Variants in ZBBX observed in about 807,000 individuals in gnomAD.
The protein encoded by ZBBX is zinc finger B-box domain-containing protein 1.
In ZBBX, 101 loss-of-function variants were observed where a neutral mutation model predicts 108.5. The observed-to-expected ratio is 0.93, with a 90% CI of 0.79 to 1.10. ZBBX has a LOEUF of 1.10. Ranked by LOEUF, ZBBX falls within the 50% of genes least tolerant of loss-of-function variation. ZBBX has a pLI of 0.00. For missense variants in ZBBX, 1,009 were observed against 941.4 expected (o/e 1.07, Z -0.94); for synonymous variants, 356 against 323.4 (o/e 1.10, Z -1.08).
the ZBBX span, among the ~76,000 whole-genome samples, chr3:167,199,962 A>C: frequency 2.0e-4 from 30 of 152,216 alleles, no homozygotes; most frequent in African/African-American, 7.0e-4. Context: ...CTACAGAAGG[A>C]TCCTTCCTTG....
chr3:167,342,720 T>A (rs186001313), intron 9 of ZBBX, among the ~76,000 whole-genome samples: 1 of 151,736 alleles, frequency 6.6e-6, no homozygotes, highest in Admixed American at 6.6e-5. Flanking sequence ...AGCAGAGTTA[T>A]GTAGTATTTG....
At chr3:167,189,269 C>T in the ZBBX span, among the ~76,000 whole-genome samples, 37 of 152,238 alleles carry the variant, frequency 2.4e-4, no homozygotes, top group African/African-American at 8.9e-4. Flanking sequence ...AAATATATCC[C>T]TGTTATCTGA....
At chr3:167,349,795 T>C (rs1468889585) in intron 9 of ZBBX, among the ~76,000 whole-genome samples, 1 of 152,076 alleles carries the variant, frequency 6.6e-6, no homozygotes, top group Non-Finnish European at 1.5e-5. Flanking sequence ...GAATAAAATC[T>C]ATGACAAAGC....
intron 11 of ZBBX, among the ~76,000 whole-genome samples, chr3:167,325,483 C>A (rs746805803): frequency 6.6e-6 from 1 of 152,104 alleles, no homozygotes; most frequent in Non-Finnish European, 1.5e-5. Context: ...CTCGCCGGGG[C>A]CCTCCCACAA....
At chr3:167,340,737 C>A (rs751293576) in intron 9 of ZBBX, among the ~76,000 whole-genome samples, 1 of 151,052 alleles carries the variant, frequency 6.6e-6, no homozygotes, top group Non-Finnish European at 1.5e-5. Flanking sequence ...AAACTTTGGG[C>A]CAACTGGAAA....
the ZBBX span, among the ~76,000 whole-genome samples, chr3:167,220,263 T>G: frequency 6.6e-6 from 1 of 151,778 alleles, no homozygotes; most frequent in Admixed American, 6.6e-5. Flanking sequence ...AACACCAAAA[T>G]CAGACGAAGA....
At chr3:167,383,166 A>G (rs1451892158), upstream of ZBBX, among the ~76,000 whole-genome samples, 1 of 152,130 alleles carries the variant, frequency 6.6e-6, no homozygotes, top group African/African-American at 2.4e-5. Context: ...GCAGCTTTCC[A>G]GAAGTATTCT....
chr3:167,300,984 G>A (rs1732569191), intron 17 of ZBBX, among the ~76,000 whole-genome samples: 1 of 144,114 alleles, frequency 6.9e-6, no homozygotes, highest in African/African-American at 2.6e-5. Flanking sequence ...AGGTAAATTT[G>A]TGTCATGGAG....
rs368708915 is a variant in ZBBX at position 167,311,347 on chromosome 3, A to G, written c.1417+2627T>C. Among the ~76,000 whole-genome samples the G allele has an allele frequency of 2.4e-4, 37 of 152,284 alleles. 1 individual carries two copies. The South Asian group carries it at 7.5e-3, about 31-fold the overall frequency. On this transcript the variant is annotated intron_variant, in intron 16 of 21. Transcript: ENST00000675490. ...CTGAATATAAAATGCAAAGCTATGA[A>G]TCTCTCAAAAGATAACATAGGATAA...
In ZBBX at chr3:167,317,376, T is replaced by C; in HGVS notation, c.1093+112A>G. 3 of 781,280 alleles carry C rather than the reference T, an allele frequency of 3.8e-6. No homozygotes were observed. In the East Asian group the frequency reaches 8.3e-5, roughly 22 times the overall value. 48.4% of individuals were successfully genotyped at this position (781,280 alleles called of 1,614,324 possible). Reference sequence around the variant, plus strand: ...CATCTAAAGAGAAAAGATTACATGGTACAACTGAGAATAATATATTAAAGA... The same window carrying C: ...CATCTAAAGAGAAAAGATTACATGGCACAACTGAGAATAATATATTAAAGA... On this transcript the variant is annotated intron_variant, in intron 13 of 21. Transcript: ENST00000675490.
chr3:167,228,813 G>C, the ZBBX span, among the ~76,000 whole-genome samples: 1 of 151,900 alleles, frequency 6.6e-6, no homozygotes, highest in Non-Finnish European at 1.5e-5. Flanking sequence ...AGTTCCTCAT[G>C]ATTGTTTTTC....
At chr3:167,366,942 T>G (rs1350427072) in intron 5 of ZBBX, 2 of 455,738 alleles carry the variant, frequency 4.4e-6, no homozygotes, top group Non-Finnish European at 8.8e-6. Context: ...ACATACAACA[T>G]GAGATGCTCT....
Position 167,333,852 on chromosome 3 carries a change from A to G in ZBBX, c.662T>C (p.Val221Ala). The G allele has an allele frequency of 1.9e-6, 3 of 1,609,900 alleles. No homozygotes were observed. The South Asian group carries it at 3.3e-5, about 18-fold the overall frequency. Reference protein sequence around the residue: ...TSKIQHKPKSVLLQRSSSEVE... With the variant: ...TSKIQHKPKSALLQRSSSEVE... ...CTCAGAGCTGCTCCTCTGGAGAAGT[A>G]CAGATTTGGGTTTATGTTGAATTTT... is the stretch of plus-strand genomic sequence containing the variant. The change falls in exon 10 of 22, where the codon GTA (valine) becomes GCA (alanine). Residue 221 changes from valine to alanine, a missense_variant. Val to Ala is a moderately conservative substitution (Grantham distance 64, BLOSUM62 0). Coordinates refer to ENST00000675490, the MANE Select transcript of ZBBX (RefSeq NM_001199201.2).
Position 167,273,356 on chromosome 3 carries a change from C to A in ZBBX, c.2254+8882G>T, listed in dbSNP as rs556942969. Among the ~76,000 whole-genome samples the A allele has an allele frequency of 1.5e-3, 221 of 152,302 alleles. 8 individuals are homozygous for A. The South Asian group carries it at 0.044, about 30-fold the overall frequency. On this transcript the variant is annotated intron_variant, in intron 20 of 21. Coordinates refer to ENST00000675490, the MANE Select transcript of ZBBX (RefSeq NM_001199201.2). ...CATCCCCTTTCCACTCAGATGGTCT[C>A]CCAGTCAACTGGGCATGGGCTGCAT...
At chr3:167,340,349 G>A (rs1044663239) in intron 9 of ZBBX, among the ~76,000 whole-genome samples, 17 of 151,858 alleles carry the variant, frequency 1.1e-4, no homozygotes, top group Non-Finnish European at 2.9e-5. Flanking sequence ...ATAGACCTAT[G>A]GCAGGATGCA....
the ZBBX span, among the ~76,000 whole-genome samples, chr3:167,185,510 T>G: frequency 6.6e-6 from 1 of 152,172 alleles, no homozygotes; most frequent in Non-Finnish European, 1.5e-5. Flanking sequence ...CGTGGATTTT[T>G]CTATATAAAT....
chr3:167,248,280 T>G (rs771112410), intron 20 of ZBBX, among the ~76,000 whole-genome samples: 16 of 152,130 alleles, frequency 1.1e-4, no homozygotes, highest in Admixed American at 3.9e-4. Context: ...AACGAATGGG[T>G]GCTTCTCACC....
At chr3:167,194,248 A>ATATATATATATATATATG in the ZBBX span, among the ~76,000 whole-genome samples, 1 of 139,348 alleles carries the variant, frequency 7.2e-6, no homozygotes, top group Admixed American at 7.3e-5. Flanking sequence ...ATATATATAT[A>ATATATATATATATATATG]TATGTATATT....
At chr3:167,340,079 A>T (rs1015554307) in intron 9 of ZBBX, among the ~76,000 whole-genome samples, 1 of 152,138 alleles carries the variant, frequency 6.6e-6, no homozygotes, top group African/African-American at 2.4e-5. Flanking sequence ...AACATTTGCT[A>T]AAGTTTATTT....
Sources: gnomAD v4.1 joint callset for allele counts (sites outside exome capture counted in the v4.1 genomes callset) on GRCh38, gnomAD v4.1.1 for gene constraint, MANE v1.5 for transcripts, NCBI Gene and HGNC (gene_info 2026-07-23, HGNC 2026-07-21) for gene names.